The following MEIS1 variants were observed in gnomAD, a reference collection of about 807,000 sequenced individuals.
The protein encoded by MEIS1 is homeobox protein Meis1.
Under a neutral mutation model 50.8 loss-of-function variants are expected in MEIS1, and 5 were observed. The ratio of observed to expected loss-of-function variants is 0.10; its 90% CI spans 0.05 to 0.21. The LOEUF is 0.21. MEIS1 is among the 10% of genes least tolerant of loss of function. The pLI, the probability that MEIS1 is intolerant of heterozygous loss-of-function variation, is 1.00. For synonymous variants in MEIS1, 176 were observed against 179.3 expected (o/e 0.98, Z 0.15); for missense variants, 318 against 517.3 (o/e 0.61, Z 3.74).
rs533008885 is a variant in MEIS1 at position 66,435,236 on chromosome 2, AT to A, written c.-613del. 3 of 152,478 alleles carry A rather than the reference AT, an allele frequency of 2.0e-5. No individual in the cohort carries two copies. Among genetic ancestry groups the A allele is most frequent in the East Asian group, 1.9e-4 (1 of 5,184 alleles). 9.4% of individuals were successfully genotyped at this position (152,478 alleles called of 1,614,324 possible). A position where few individuals can be genotyped will look rare whatever the true frequency, so the allele number is the denominator to read the frequency against. On this transcript the variant is annotated 5_prime_UTR_variant, in exon 1 of 13. Coordinates refer to ENST00000272369, the MANE Select transcript of MEIS1 (RefSeq NM_002398.3). ...TCCTTTAAGACAAACTCAGACAGAC[AT>A]TTTTTTTAACCCTCCTTCTCTAATC...
intron 8 of MEIS1, among the ~76,000 whole-genome samples, chr2:66,539,136 C>T (rs985209260): frequency 6.6e-6 from 1 of 152,154 alleles, no homozygotes; most frequent in East Asian, 1.9e-4. Flanking sequence ...ATCCACCTGC[C>T]TTGGCCTCCT....
rs1472212924 is a variant in MEIS1, at chr2:66,435,681, A to G, written c.-176A>G. 3 of 545,616 alleles carry G rather than the reference A, an allele frequency of 5.5e-6. No homozygotes were observed. In the African/African-American group the frequency reaches 6.2e-5, roughly 11 times the overall value. 33.8% of individuals were successfully genotyped at this position (545,616 alleles called of 1,614,324 possible). ...TCGGGCGCTTTGCTTCAGGTCCCGT[A>G]GACCGAAGATCTGGGACCAGTAGCT... On this transcript the variant is annotated 5_prime_UTR_variant, in exon 1 of 13. An upstream open reading frame in the 5' UTR loses its in-frame stop. Transcript: ENST00000272369.
intron 8 of MEIS1, among the ~76,000 whole-genome samples, chr2:66,540,204 A>G (rs1051302812): frequency 3.3e-5 from 5 of 152,240 alleles, no homozygotes; most frequent in Non-Finnish European, 1.5e-5. Context: ...TGTTGTACTG[A>G]CAAATAATGA....
chr2:66,436,878 T>A (rs1671810493), intron 1 of MEIS1: 2 of 984,482 alleles, frequency 2.0e-6, no homozygotes, highest in African/African-American at 3.5e-5. Flanking sequence ...AGTAGTTTTT[T>A]TTTTTTTTTT....
intron 9 of MEIS1, among the ~76,000 whole-genome samples, chr2:66,558,721 T>G (rs1041600035): frequency 3.3e-5 from 5 of 152,178 alleles, no homozygotes; most frequent in African/African-American, 4.8e-5. Flanking sequence ...TCTCTTGACA[T>G]GAGCAGAGAC....
Position 66,572,365 on chromosome 2 carries a change from A to T in MEIS1, c.*1157A>T, listed in dbSNP as rs1232618489. On this transcript the variant is annotated 3_prime_UTR_variant, in exon 13 of 13. Transcript: ENST00000272369. ...TGTTGACTTTATTTCTGAGCAAAGC[A>T]TCGGTCATGTGTGTATTTTTTCATA... The T allele has an allele frequency of 1.3e-5, 2 of 152,222 alleles. No homozygotes were observed. The highest frequency in any genetic ancestry group is 4.8e-5 in the African/African-American group (2 of 41,458). 9.4% of individuals were successfully genotyped at this position (152,222 alleles called of 1,614,324 possible). A position where few individuals can be genotyped will look rare whatever the true frequency, so the allele number is the denominator to read the frequency against.
chr2:66,563,312 A>G (rs1558565526), intron 9 of MEIS1, among the ~76,000 whole-genome samples: 1 of 152,162 alleles, frequency 6.6e-6, no homozygotes, highest in Non-Finnish European at 1.5e-5. Context: ...GTATATTCAA[A>G]TTGGAATTTT....
intron 7 of MEIS1, among the ~76,000 whole-genome samples, chr2:66,478,501 A>G (rs1213209390): frequency 6.6e-6 from 1 of 152,230 alleles, no homozygotes; most frequent in Non-Finnish European, 1.5e-5. Flanking sequence ...TATGGCATGG[A>G]GCCATGTGCT....
intron 8 of MEIS1, among the ~76,000 whole-genome samples, chr2:66,547,362 C>T (rs1382659910): frequency 6.6e-6 from 1 of 152,056 alleles, no homozygotes; most frequent in Non-Finnish European, 1.5e-5. Context: ...CATGTGTTGA[C>T]ATTCAGATTT....
At chr2:66,499,138 G>A (rs1021200957) in intron 7 of MEIS1, among the ~76,000 whole-genome samples, 5 of 152,200 alleles carry the variant, frequency 3.3e-5, no homozygotes, top group Admixed American at 2.6e-4. Flanking sequence ...ACTGATGCAT[G>A]CTAGTAATTC....
At chr2:66,458,370 G>C (rs894483260) in intron 6 of MEIS1, among the ~76,000 whole-genome samples, 6 of 152,134 alleles carry the variant, frequency 3.9e-5, no homozygotes, top group African/African-American at 1.4e-4. Flanking sequence ...CATTCCCTGA[G>C]CACACAGCAG....
intron 8 of MEIS1, among the ~76,000 whole-genome samples, chr2:66,517,422 T>G (rs1673997191): frequency 6.6e-6 from 1 of 152,186 alleles, no homozygotes; most frequent in African/African-American, 2.4e-5. Flanking sequence ...AGATTTTTTT[T>G]TCCTTGCAGA....
intron 7 of MEIS1, among the ~76,000 whole-genome samples, chr2:66,476,950 A>G (rs1212797669): frequency 6.6e-6 from 1 of 152,132 alleles, no homozygotes; most frequent in Non-Finnish European, 1.5e-5. Flanking sequence ...AGAGCATGCC[A>G]CTTTGGGGAC....
chr2:66,496,547 C>T (rs1463009720), intron 7 of MEIS1, among the ~76,000 whole-genome samples: 2 of 152,126 alleles, frequency 1.3e-5, no homozygotes, highest in Non-Finnish European at 2.9e-5. Context: ...TGACGTGGAG[C>T]GATACTTGAA....
chr2:66,491,231 G>A (rs926549241), intron 7 of MEIS1, among the ~76,000 whole-genome samples: 5 of 152,170 alleles, frequency 3.3e-5, no homozygotes, highest in African/African-American at 1.2e-4. Context: ...CCCCACAATA[G>A]GTCAAAAGTG....
At chr2:66,448,261 C>T (rs1175400036) in intron 6 of MEIS1, among the ~76,000 whole-genome samples, 2 of 152,140 alleles carry the variant, frequency 1.3e-5, no homozygotes, top group Non-Finnish European at 2.9e-5. Flanking sequence ...TTCAAACACT[C>T]ATATGTTTAA....
chr2:66,510,324 T>G (rs1673795315), intron 7 of MEIS1, among the ~76,000 whole-genome samples: 2 of 152,168 alleles, frequency 1.3e-5, no homozygotes, highest in African/African-American at 4.8e-5. Flanking sequence ...GAGTGCTGAT[T>G]TACAGATGTA....
chr2:66,435,887 T>C lies in MEIS1; in HGVS notation c.12+19T>C. On this transcript the variant is annotated intron_variant, in intron 1 of 12. Coordinates refer to ENST00000272369, the MANE Select transcript of MEIS1 (RefSeq NM_002398.3). Reference sequence around the variant, plus strand: ...GCAAAGGGTACGTATTAAAAAACAATTGTGGAACTCAAATGTGAGATTAAA... The same window carrying C: ...GCAAAGGGTACGTATTAAAAAACAACTGTGGAACTCAAATGTGAGATTAAA... 3.9e-6 allele frequency: 6 copies of C among 1,554,042 alleles called. No homozygotes were observed. Among genetic ancestry groups the C allele is most frequent in the Non-Finnish European group, 5.2e-6 (6 of 1,157,700 alleles).
intron 9 of MEIS1, among the ~76,000 whole-genome samples, chr2:66,555,550 C>G (rs917755533): frequency 1.3e-5 from 2 of 152,118 alleles, no homozygotes; most frequent in African/African-American, 4.8e-5. Flanking sequence ...TAGTAGTTTC[C>G]TAGCAAGTCA....
Sources: allele counts gnomAD v4.1 joint callset (sites outside exome capture counted in the v4.1 genomes callset), GRCh38; gene constraint gnomAD v4.1.1; transcripts MANE v1.5; gene names NCBI Gene and HGNC (gene_info 2026-07-23, HGNC 2026-07-21).